The following MED27 variants were observed in gnomAD, a reference collection of about 807,000 sequenced individuals.
MED27 encodes mediator complex subunit 27.
A neutral mutation model predicts 38.2 loss-of-function variants in MED27; 30 were observed. The observed-to-expected ratio is 0.79, with a 90% CI of 0.59 to 1.07. The LOEUF (loss-of-function observed/expected upper bound fraction) is 1.07. Among genes scored for constraint, MED27 ranks in the 50% least tolerant of loss-of-function variants. MED27 has a pLI of 0.00. For synonymous variants in MED27, 122 were observed against 153.5 expected, an observed-to-expected ratio of 0.79 and a Z score of 1.52; for missense variants, 289 against 397.5, an observed-to-expected ratio of 0.73 and a Z score of 2.32.
At chr9:131,954,998 A>G (rs542022891) in intron 3 of MED27, among the ~76,000 whole-genome samples, 22 of 152,234 alleles carry the variant, frequency 1.4e-4, no homozygotes, top group African/African-American at 5.1e-4. Flanking sequence ...TCTATATCCC[A>G]AAACAGTAGA....
At chr9:132,064,672 T>C (rs1833772203) in intron 2 of MED27, among the ~76,000 whole-genome samples, 1 of 152,172 alleles carries the variant, frequency 6.6e-6, no homozygotes, top group African/African-American at 2.4e-5. Flanking sequence ...AACAATACAT[T>C]TGCACTAAGT....
chr9:131,993,174 C>G (rs544313139), intron 3 of MED27, among the ~76,000 whole-genome samples: 56 of 152,182 alleles, frequency 3.7e-4, no homozygotes, highest in African/African-American at 1.3e-3. Context: ...ACCACCGTGC[C>G]TTACCTAAAT....
At chr9:131,885,498 C>T (rs1270537460) in intron 5 of MED27, among the ~76,000 whole-genome samples, 6 of 152,150 alleles carry the variant, frequency 3.9e-5, no homozygotes, top group Non-Finnish European at 8.8e-5. Flanking sequence ...TGACGCCCGG[C>T]TGGTCAAGAG....
At chr9:132,023,206 C>T (rs1161677141) in intron 2 of MED27, among the ~76,000 whole-genome samples, 2 of 151,332 alleles carry the variant, frequency 1.3e-5, no homozygotes, top group African/African-American at 4.9e-5. Context: ...CTCTTTTTCC[C>T]CCCCAAAAGA....
intron 2 of MED27, among the ~76,000 whole-genome samples, chr9:132,035,504 G>C (rs1833053588): frequency 6.6e-6 from 1 of 152,174 alleles, no homozygotes; most frequent in Non-Finnish European, 1.5e-5. Context: ...CAGATGGGGG[G>C]TGGTGACGAG....
At chr9:132,045,659 C>A (rs1382229617) in intron 2 of MED27, among the ~76,000 whole-genome samples, 1 of 152,198 alleles carries the variant, frequency 6.6e-6, no homozygotes, top group African/African-American at 2.4e-5. Context: ...AACACCATGG[C>A]AGCCACTTCT....
chr9:131,997,910 T>C lies in MED27; in HGVS notation c.479+16427A>G, dbSNP rs1832128268. ...CTTCCCTCACTGCAGACTGCTTTGG[T>C]TGGTGATCTCTCATCTAATTTCTTT... On this transcript the variant is annotated intron_variant, in intron 3 of 7. Coordinates refer to ENST00000292035, the MANE Select transcript of MED27 (RefSeq NM_004269.4). This position sits in a 1 kb window ranked among gnomAD's most constrained non-coding sequence, Gnocchi z 4.0. Among the ~76,000 whole-genome samples, 1 of 152,190 alleles carries C rather than the reference T, an allele frequency of 6.6e-6. No homozygotes were observed. The highest frequency in any genetic ancestry group is 1.5e-5 in the Non-Finnish European group (1 of 68,024).
intron 5 of MED27, among the ~76,000 whole-genome samples, chr9:131,886,002 G>A (rs1044076079): frequency 6.6e-6 from 1 of 152,166 alleles, no homozygotes; most frequent in Admixed American, 6.5e-5. Flanking sequence ...GTGTGTGATT[G>A]ATTTTGGAAC....
At chr9:131,947,339 T>A (rs570939284) in intron 3 of MED27, among the ~76,000 whole-genome samples, 1 of 152,174 alleles carries the variant, frequency 6.6e-6, no homozygotes, top group South Asian at 2.1e-4. Flanking sequence ...AGCTCCAGAA[T>A]CCCTGCATGT....
intron 4 of MED27, among the ~76,000 whole-genome samples, chr9:131,903,056 G>C (rs955466402): frequency 1.3e-5 from 2 of 150,080 alleles, no homozygotes; most frequent in South Asian, 4.2e-4. Flanking sequence ...TCTGAACCAT[G>C]AGAGTGCTGG....
intron 3 of MED27, among the ~76,000 whole-genome samples, chr9:132,011,830 T>C (rs1832492182): frequency 6.6e-6 from 1 of 152,188 alleles, no homozygotes; most frequent in Non-Finnish European, 1.5e-5. Flanking sequence ...AATAGGCTAC[T>C]AAGTATAGGA....
chr9:132,010,900 G>A (rs537215940), intron 3 of MED27, among the ~76,000 whole-genome samples: 1 of 152,238 alleles, frequency 6.6e-6, no homozygotes, highest in East Asian at 1.9e-4. Context: ...GCGAAGGGGG[G>A]AGGGATAGCA....
intron 2 of MED27, among the ~76,000 whole-genome samples, chr9:132,039,033 TGCAA>T (rs942557987): frequency 4.6e-5 from 7 of 152,170 alleles, no homozygotes; most frequent in African/African-American, 1.7e-4. Flanking sequence ...TGGCTTCAAA[TGCAA>T]TTAAACACTA....
chr9:132,008,677 T>A (rs999717676), intron 3 of MED27, among the ~76,000 whole-genome samples: 2 of 152,178 alleles, frequency 1.3e-5, no homozygotes, highest in Non-Finnish European at 2.9e-5. Context: ...CGTACACAGC[T>A]CCTGCATTCC....
At chr9:131,993,359 C>T (rs560637782) in intron 3 of MED27, among the ~76,000 whole-genome samples, 2 of 152,058 alleles carry the variant, frequency 1.3e-5, no homozygotes, top group African/African-American at 4.8e-5. Flanking sequence ...CTTAGCCATA[C>T]AGCAACAGTA....
At chr9:131,888,640 C>T (rs1014610450) in intron 5 of MED27, among the ~76,000 whole-genome samples, 13 of 152,202 alleles carry the variant, frequency 8.5e-5, no homozygotes, top group Admixed American at 2.6e-4. Context: ...GTAAGCCACA[C>T]GAGGTTCCAA....
chr9:131,941,615 G>T (rs1207594503), intron 3 of MED27, among the ~76,000 whole-genome samples: 3 of 152,074 alleles, frequency 2.0e-5, no homozygotes, highest in Non-Finnish European at 4.4e-5. Flanking sequence ...GAGGTGCACT[G>T]AAGGGTATTT....
chr9:132,066,327 C>T (rs1170820814), intron 2 of MED27, among the ~76,000 whole-genome samples: 1 of 152,260 alleles, frequency 6.6e-6, no homozygotes, highest in African/African-American at 2.4e-5. Context: ...CAGGGCACAG[C>T]TGACCTCTGC....
intron 2 of MED27, among the ~76,000 whole-genome samples, chr9:132,019,932 C>T (rs555140215): frequency 2.0e-5 from 3 of 152,330 alleles, no homozygotes; most frequent in East Asian, 3.9e-4. Flanking sequence ...GGCGCTGAGA[C>T]GTTGCATGCT....
Sources: gnomAD v4.1 joint callset for allele counts (sites outside exome capture counted in the v4.1 genomes callset) on GRCh38, gnomAD v4.1.1 for gene constraint, Gnocchi (gnomAD v3.1) non-coding constraint, MANE v1.5 for transcripts, NCBI Gene and HGNC (gene_info 2026-07-23, HGNC 2026-07-21) for gene names.